CNTNAP2: variants seen among roughly 807,000 people sequenced by gnomAD.
CNTNAP2 encodes contactin-associated protein-like 2.
A neutral mutation model predicts 155.2 loss-of-function variants in CNTNAP2; 98 were observed. The ratio of observed to expected loss-of-function variants is 0.63; its 90% CI spans 0.54 to 0.75. The LOEUF is 0.75. Among genes scored for constraint, CNTNAP2 ranks in the 30% least tolerant of loss-of-function variants. CNTNAP2 has a pLI of 0.00. For synonymous variants in CNTNAP2, 651 were observed against 631.2 expected (o/e 1.03, Z -0.47); for missense variants, 1,727 against 1,688.1 (o/e 1.02, Z -0.40).
At chr7:146,616,194 G>C (rs1172315670) in intron 1 of CNTNAP2, among the ~76,000 whole-genome samples, 4 of 152,020 alleles carry the variant, frequency 2.6e-5, no homozygotes, top group African/African-American at 9.7e-5. Flanking sequence ...GAGAAAAGGA[G>C]GGAATCACAA....
At chr7:147,288,006 T>C (rs1430118332) in intron 8 of CNTNAP2, among the ~76,000 whole-genome samples, 6 of 152,112 alleles carry the variant, frequency 3.9e-5, no homozygotes, top group African/African-American at 1.4e-4. Context: ...ATATTTTCTC[T>C]TATTTCCTCA....
chr7:147,832,299 A>G (rs1798562805), intron 13 of CNTNAP2, among the ~76,000 whole-genome samples: 1 of 146,350 alleles, frequency 6.8e-6, no homozygotes, highest in African/African-American at 2.5e-5. Context: ...ATGTTTTTAT[A>G]TATTTATTAT....
chr7:146,682,919 C>T (rs568333070), intron 1 of CNTNAP2, among the ~76,000 whole-genome samples: 28 of 152,304 alleles, frequency 1.8e-4, no homozygotes, highest in Non-Finnish European at 3.8e-4. Context: ...TGGGCATTAT[C>T]GTCTCAGTTA....
At chr7:147,417,171 G>A (rs6464799) in intron 10 of CNTNAP2, among the ~76,000 whole-genome samples, 37,496 of 151,808 alleles carry the variant, frequency 0.25, 5,130 homozygotes, top group African/African-American at 0.35. Context: ...CTCAACCACG[G>A]TTATGTATCA....
chr7:147,848,617 C>T (rs1384637983), intron 13 of CNTNAP2, among the ~76,000 whole-genome samples: 1 of 152,100 alleles, frequency 6.6e-6, no homozygotes, highest in African/African-American at 2.4e-5. Flanking sequence ...ATCTTGGCTC[C>T]TCCTCCCTTC....
intron 3 of CNTNAP2, among the ~76,000 whole-genome samples, chr7:146,960,880 G>A (rs1797545129): frequency 6.6e-6 from 1 of 152,108 alleles, no homozygotes. Flanking sequence ...AGCTGTGAGA[G>A]AATCCTTAGG....
intron 10 of CNTNAP2, among the ~76,000 whole-genome samples, chr7:147,477,287 T>C (rs531956300): frequency 6.6e-6 from 1 of 152,294 alleles, no homozygotes; most frequent in South Asian, 2.1e-4. Flanking sequence ...TTCCTTGTTA[T>C]ATAAGAAAAA....
At chr7:147,114,219 T>A (rs1331001420) in intron 5 of CNTNAP2, among the ~76,000 whole-genome samples, 1 of 152,210 alleles carries the variant, frequency 6.6e-6, no homozygotes, top group Non-Finnish European at 1.5e-5. Flanking sequence ...TGTTGAGTGT[T>A]TTACTTTCAA....
intron 1 of CNTNAP2, among the ~76,000 whole-genome samples, chr7:146,329,327 A>G (rs147695842): frequency 1.3e-5 from 2 of 152,340 alleles, no homozygotes; most frequent in African/African-American, 2.4e-5. Context: ...AACAAAAAAT[A>G]CCATCCTCTC....
chr7:146,711,707 A>G (rs1187838413), intron 1 of CNTNAP2, among the ~76,000 whole-genome samples: 1 of 145,500 alleles, frequency 6.9e-6, no homozygotes, highest in African/African-American at 2.5e-5. Context: ...TTATGTATAC[A>G]TATATAGTAT....
chr7:147,513,588 C>T (rs1253575853), intron 11 of CNTNAP2, among the ~76,000 whole-genome samples: 1 of 152,234 alleles, frequency 6.6e-6, no homozygotes, highest in Non-Finnish European at 1.5e-5. Flanking sequence ...AGTAATTACA[C>T]TCATAGAAAT....
intron 3 of CNTNAP2, among the ~76,000 whole-genome samples, chr7:146,928,685 A>T (rs986215130): frequency 6.6e-5 from 10 of 152,190 alleles, no homozygotes; most frequent in African/African-American, 2.4e-4. Context: ...TTCCTAGTCA[A>T]AGAAAGGGGT....
chr7:146,872,464 A>T (rs560487167), intron 3 of CNTNAP2, among the ~76,000 whole-genome samples: 2 of 152,160 alleles, frequency 1.3e-5, no homozygotes, highest in Non-Finnish European at 2.9e-5. Context: ...GTTGGGTTCC[A>T]TGCAACTTAA....
intron 1 of CNTNAP2, among the ~76,000 whole-genome samples, chr7:146,670,322 G>A (rs1470731672): frequency 6.6e-6 from 1 of 151,994 alleles, no homozygotes; most frequent in Non-Finnish European, 1.5e-5. Flanking sequence ...GTTGACCTAG[G>A]GGTCCACTTT....
At chr7:147,154,872 AGATT>A (rs1801892926) in intron 8 of CNTNAP2, among the ~76,000 whole-genome samples, 1 of 152,178 alleles carries the variant, frequency 6.6e-6, no homozygotes. Flanking sequence ...ACATATAGTT[AGATT>A]ATGTCTTCGA....
intron 13 of CNTNAP2, among the ~76,000 whole-genome samples, chr7:147,881,650 T>C (rs368973286): frequency 1.2e-4 from 18 of 152,054 alleles, no homozygotes; most frequent in African/African-American, 3.9e-4. Context: ...ATAGTTAGAA[T>C]AGGAAAACAA....
intron 15 of CNTNAP2, among the ~76,000 whole-genome samples, chr7:148,006,360 C>T (rs573322341): frequency 4.4e-5 from 6 of 137,362 alleles, no homozygotes; most frequent in Non-Finnish European, 9.1e-5. Flanking sequence ...TGCTCTGTTG[C>T]CCTGGATGGA....
chr7:147,441,903 G>T (rs138707444), intron 10 of CNTNAP2, among the ~76,000 whole-genome samples: 1 of 131,078 alleles, frequency 7.6e-6, no homozygotes, highest in African/African-American at 2.9e-5. Context: ...TCTGAGCCAC[G>T]TGGAGCTGGG....
At chr7:146,640,471 T>C (rs1266948196) in intron 1 of CNTNAP2, among the ~76,000 whole-genome samples, 1 of 152,228 alleles carries the variant, frequency 6.6e-6, no homozygotes, top group African/African-American at 2.4e-5. Context: ...ATTAAAGATA[T>C]GTCAATTCTC....
Sources: allele counts gnomAD v4.1 joint callset (sites outside exome capture counted in the v4.1 genomes callset), GRCh38; gene constraint gnomAD v4.1.1; transcripts MANE v1.5; gene names NCBI Gene and HGNC (gene_info 2026-07-23, HGNC 2026-07-21).